Variants in PPFIBP2 observed in about 807,000 individuals in gnomAD.
The protein encoded by PPFIBP2 is liprin-beta-2.
In PPFIBP2, 118 loss-of-function variants were observed where a neutral mutation model predicts 118.3. The observed-to-expected ratio is 1.00, with a 90% CI of 0.86 to 1.16. The LOEUF is 1.16. Among genes scored for constraint, PPFIBP2 ranks in the 50% most tolerant of loss-of-function variants. PPFIBP2 has a pLI of 0.00. For missense variants in PPFIBP2, 1,195 were observed against 1,073.1 expected (o/e 1.11, Z -1.59); for synonymous variants, 414 against 397.4 (o/e 1.04, Z -0.50).
At chr11:7,607,574 A>G (rs1335292510) in intron 5 of PPFIBP2, among the ~76,000 whole-genome samples, 1 of 152,018 alleles carries the variant, frequency 6.6e-6, no homozygotes, top group Non-Finnish European at 1.5e-5. Flanking sequence ...AGTAATTGTC[A>G]TGTATCTAGG....
intron 3 of PPFIBP2, among the ~76,000 whole-genome samples, chr11:7,583,501 CAA>C (rs1157850922): frequency 6.6e-6 from 1 of 152,198 alleles, no homozygotes; most frequent in Non-Finnish European, 1.5e-5. Context: ...GGACAGTCTT[CAA>C]AGAGTCTTCT....
In PPFIBP2 at chr11:7,616,374, A is replaced by G. The variant is rs886215222; in HGVS notation, c.619-4561A>G. ...GGCAAAAGTTTGATAGATTCAGTAA[A>G]TTTTAGTCTGTTGAGTTTGGGGCCA... On this transcript the variant is annotated intron_variant, in intron 6 of 23. Transcript: ENST00000299492. This position sits in a 1 kb window ranked among gnomAD's most constrained non-coding sequence, Gnocchi z 5.2. Among the ~76,000 whole-genome samples, 1 of 152,116 alleles carries G rather than the reference A, an allele frequency of 6.6e-6. No individual in the cohort carries two copies. The highest frequency in any genetic ancestry group is 6.5e-5 in the Admixed American group (1 of 15,282).
chr11:7,639,476 A>G (rs897569085), intron 14 of PPFIBP2, among the ~76,000 whole-genome samples: 1 of 152,208 alleles, frequency 6.6e-6, no homozygotes, highest in African/African-American at 2.4e-5. Context: ...ACTTCCTGTT[A>G]GAGTCAGTTT....
In PPFIBP2 at chr11:7,630,995, A is replaced by G; in HGVS notation, c.1035A>G (p.Thr345=). The G allele has an allele frequency of 1.2e-6, 2 of 1,614,022 alleles. No homozygotes were observed. The highest frequency in any genetic ancestry group is 1.3e-5 in the African/African-American group (1 of 75,064). The change falls in exon 11 of 24, where the codon ACA becomes ACG. Residue 345 remains threonine (T), a synonymous_variant. Coordinates refer to ENST00000299492, the MANE Select transcript of PPFIBP2 (RefSeq NM_003621.5). ...GAGGTTTCAGCAAGTGGAACGCTAC[A>G]AATAAGGACCCTGAAGAATTATTTA... ...PEGGFSKWNA[T]NKDPEELFKQ...
chr11:7,586,180 G>A (rs1413901749), intron 3 of PPFIBP2, among the ~76,000 whole-genome samples: 1 of 152,142 alleles, frequency 6.6e-6, no homozygotes, highest in Non-Finnish European at 1.5e-5. Context: ...AAGCCTGAAA[G>A]TATTTTGGTT....
intron 21 of PPFIBP2, among the ~76,000 whole-genome samples, chr11:7,650,142 C>G (rs1310634038): frequency 1.3e-5 from 2 of 152,126 alleles, no homozygotes; most frequent in African/African-American, 4.8e-5. Context: ...ACGTAAATAA[C>G]AGCACCCCAA....
intron 6 of PPFIBP2, among the ~76,000 whole-genome samples, chr11:7,618,150 C>T (rs1262469324): frequency 6.6e-6 from 1 of 151,922 alleles, no homozygotes; most frequent in Admixed American, 6.6e-5. Flanking sequence ...ATAGGTGTTG[C>T]GGGAAGGGAT....
chr11:7,664,011 C>T, the PPFIBP2 span, among the ~76,000 whole-genome samples: 1 of 151,810 alleles, frequency 6.6e-6, no homozygotes, highest in Non-Finnish European at 1.5e-5. Context: ...TCGGCTCGCA[C>T]ACGGTGCGCG....
intron 5 of PPFIBP2, chr11:7,598,019 A>G (rs1042065880): frequency 2.4e-5 from 5 of 212,148 alleles, no homozygotes; most frequent in Non-Finnish European, 3.8e-5. Context: ...TAGAAAGTCA[A>G]TTCTCAGCTG....
intron 1 of PPFIBP2, among the ~76,000 whole-genome samples, chr11:7,515,800 T>C (rs1192930595): frequency 2.6e-5 from 4 of 152,222 alleles, no homozygotes; most frequent in Non-Finnish European, 5.9e-5. Flanking sequence ...TCAAAGACCT[T>C]GGTCCTTGAC....
At chr11:7,565,918 T>A in intron 3 of PPFIBP2, 151 bp downstream of exon 3, 1 of 816,712 alleles carries the variant, frequency 1.2e-6, no homozygotes, top group Non-Finnish European at 1.9e-6. Context: ...GGGTGGCCCT[T>A]CTTATCAAGG....
downstream of PPFIBP2, chr11:7,653,874 C>G: frequency 8.9e-6 from 9 of 1,011,616 alleles, no homozygotes; most frequent in Non-Finnish European, 1.1e-5. Flanking sequence ...AGTCCTCAGC[C>G]AGGTGCATGC....
chr11:7,653,176 C>T lies in PPFIBP2; in HGVS notation c.2589C>T (p.Ala863=). ...ACCGGGGCCTCAGCCCCCTTGATGC[C>T]CCTGAACTGGATGGGCTGGACCAGG... ...SGYRGLSPLD[A]PELDGLDQVG... The change falls in exon 24 of 24, where the codon GCC becomes GCT. Residue 863 remains alanine (A), a synonymous_variant. Coordinates refer to ENST00000299492, the MANE Select transcript of PPFIBP2 (RefSeq NM_003621.5). 1 of 1,614,190 alleles carries T rather than the reference C, an allele frequency of 6.2e-7. No homozygotes were observed. The highest frequency in any genetic ancestry group is 8.5e-7 in the Non-Finnish European group (1 of 1,180,036).
At chr11:7,661,044 C>A (rs1411076330), downstream of PPFIBP2, among the ~76,000 whole-genome samples, 1 of 151,794 alleles carries the variant, frequency 6.6e-6, no homozygotes, top group South Asian at 2.1e-4. Context: ...CTCTTTTTTT[C>A]TTTATTAGTT....
At chr11:7,578,054 T>C (rs1355093247) in intron 3 of PPFIBP2, among the ~76,000 whole-genome samples, 2 of 152,232 alleles carry the variant, frequency 1.3e-5, no homozygotes, top group Non-Finnish European at 2.9e-5. Context: ...TCTGATGTTA[T>C]CCGGTGGAGC....
intron 19 of PPFIBP2, 116 bp from the exon 20 acceptor site, chr11:7,649,031 C>T: frequency 7.4e-7 from 1 of 1,349,580 alleles, no homozygotes; most frequent in African/African-American, 1.5e-5. Flanking sequence ...AGAGGAATTA[C>T]TAAACTTTTG....
At chr11:7,611,584 G>A (rs1176701973) in intron 6 of PPFIBP2, among the ~76,000 whole-genome samples, 5 of 152,250 alleles carry the variant, frequency 3.3e-5, no homozygotes, top group Non-Finnish European at 5.9e-5. Context: ...AGTCCAGGCT[G>A]ATGAATCAGA....
At chr11:7,602,300 C>G (rs765836849) in intron 5 of PPFIBP2, among the ~76,000 whole-genome samples, 2 of 152,142 alleles carry the variant, frequency 1.3e-5, no homozygotes, top group Non-Finnish European at 2.9e-5. Context: ...GAATTGTACA[C>G]TAGGGTTTCC....
chr11:7,538,513 T>C (rs1467166425), intron 1 of PPFIBP2, among the ~76,000 whole-genome samples: 1 of 152,102 alleles, frequency 6.6e-6, no homozygotes, highest in Non-Finnish European at 1.5e-5. Flanking sequence ...GGGCTCGAGC[T>C]TTTTGGGAAT....
Sources: gnomAD v4.1 joint callset for allele counts (sites outside exome capture counted in the v4.1 genomes callset) on GRCh38, gnomAD v4.1.1 for gene constraint, Gnocchi (gnomAD v3.1) non-coding constraint, MANE v1.5 for transcripts, NCBI Gene and HGNC (gene_info 2026-07-23, HGNC 2026-07-21) for gene names.